The following ARIH1 variants were observed in gnomAD, a reference collection of about 807,000 sequenced individuals.
ARIH1 encodes ariadne RBR E3 ubiquitin protein ligase 1, also known as E3 ubiquitin-protein ligase ARIH1.
ARIH1 carries 8 observed loss-of-function variants against 85.0 expected under a neutral mutation model. That is an observed-to-expected ratio of 0.09 (90% CI 0.06 to 0.17). The LOEUF is 0.17. Among genes scored for constraint, ARIH1 ranks in the 10% least tolerant of loss-of-function variants. The probability of loss-of-function intolerance (pLI) is 1.00; values close to 1 mark genes in which losing one functional copy is unlikely to be tolerated. For missense variants in ARIH1, 311 were observed against 718.1 expected (o/e 0.43, Z 6.48); for synonymous variants, 238 against 253.6 (o/e 0.94, Z 0.59).
At chr15:72,552,703 A>G (rs962892199) in intron 3 of ARIH1, among the ~76,000 whole-genome samples, 1 of 152,006 alleles carries the variant, frequency 6.6e-6, no homozygotes, top group African/African-American at 2.4e-5. Context: ...CTGGAAGAAT[A>G]TGTAAAAAAC....
At position 72,555,800 on chromosome 15, in the gene ARIH1, A is replaced by G. The variant is rs1261841761; in HGVS notation, c.682-52A>G. The G allele has an allele frequency of 1.3e-5, 20 of 1,484,604 alleles. No homozygotes were observed. In the East Asian group the frequency reaches 2.0e-4, roughly 15 times the overall value. 92.0% of individuals were successfully genotyped at this position (1,484,604 alleles called of 1,614,324 possible). ...AGCAAAGTGCCTGGCGATGGTAAGCATTCATTAAATATTTGTTGAATGAAG... is the reference window on the plus strand; with the variant it reads ...AGCAAAGTGCCTGGCGATGGTAAGCGTTCATTAAATATTTGTTGAATGAAG... On this transcript the variant is annotated intron_variant, in intron 4 of 13. Coordinates refer to ENST00000379887, the MANE Select transcript of ARIH1 (RefSeq NM_005744.5).
chr15:72,519,228 A>G (rs1009740828), intron 2 of ARIH1, among the ~76,000 whole-genome samples: 2 of 152,100 alleles, frequency 1.3e-5, no homozygotes, highest in Admixed American at 6.6e-5. Flanking sequence ...TTCCCATTTG[A>G]TTTTAAAATT....
At chr15:72,526,612 T>G (rs1380188152) in intron 2 of ARIH1, among the ~76,000 whole-genome samples, 1 of 152,104 alleles carries the variant, frequency 6.6e-6, no homozygotes, top group Non-Finnish European at 1.5e-5. Context: ...GTGCCTGCAG[T>G]GCTGCCTACC....
chr15:72,581,082 T>C, intron 12 of ARIH1, 91 bp downstream of exon 12: 7 of 1,378,540 alleles, frequency 5.1e-6, no homozygotes, highest in Non-Finnish European at 6.9e-6. Context: ...TTCAGGGTTC[T>C]TGTTTGTTCA....
intron 7 of ARIH1, 134 bp from the exon 8 acceptor site, chr15:72,566,429 T>C (rs1364527688): frequency 1.3e-6 from 1 of 746,886 alleles, no homozygotes; most frequent in East Asian, 2.5e-5. Flanking sequence ...AGACATGGGT[T>C]CTCTCCTTGT....
At chr15:72,578,717 C>T (rs2064282447) in intron 11 of ARIH1, among the ~76,000 whole-genome samples, 1 of 151,942 alleles carries the variant, frequency 6.6e-6, no homozygotes, top group South Asian at 2.1e-4. Flanking sequence ...GTTCAAGGGT[C>T]AACTGTATAT....
intron 3 of ARIH1, among the ~76,000 whole-genome samples, chr15:72,551,814 G>A (rs2064154152): frequency 6.6e-6 from 1 of 151,936 alleles, no homozygotes; most frequent in African/African-American, 2.4e-5. Flanking sequence ...AGGCAAAGTT[G>A]GCAAAATATA....
chr15:72,550,281 A>G (rs773430201), intron 3 of ARIH1, among the ~76,000 whole-genome samples: 13 of 152,222 alleles, frequency 8.5e-5, no homozygotes, highest in Non-Finnish European at 1.5e-4. Context: ...TTTATGAACT[A>G]TCTTTTTATC....
chr15:72,519,347 T>G (rs1463434472), intron 2 of ARIH1, among the ~76,000 whole-genome samples: 4 of 151,808 alleles, frequency 2.6e-5, no homozygotes, highest in African/African-American at 9.7e-5. Context: ...ACTATTAAAT[T>G]ACAATTTAAT....
chr15:72,508,391 C>G (rs993467740), intron 1 of ARIH1, among the ~76,000 whole-genome samples: 4 of 152,204 alleles, frequency 2.6e-5, no homozygotes, highest in African/African-American at 9.6e-5. Flanking sequence ...GTTTTGGTGG[C>G]ACACCGAAGT....
rs2140443935 is a variant in ARIH1, at chr15:72,588,903, A to C, written c.*5611A>C. 1 of 152,308 alleles carries C rather than the reference A, an allele frequency of 6.6e-6. No individual in the cohort carries two copies. The highest frequency in any genetic ancestry group is 1.9e-4 in the East Asian group (1 of 5,184). The allele number at this position is 152,308 out of a possible 1,614,324, so 9.4% of individuals were successfully genotyped here. A position where few individuals can be genotyped will look rare whatever the true frequency, so the allele number is the denominator to read the frequency against. ...AGGAAGTTGAGTGGTTATAAGCAAA[A>C]CTGTCATTAAAGCTAGTTGCGTCAA... On this transcript the variant is annotated 3_prime_UTR_variant, in exon 14 of 14. Transcript: ENST00000379887.
chr15:72,479,156 G>C (rs1033488508), intron 1 of ARIH1, among the ~76,000 whole-genome samples: 2 of 152,134 alleles, frequency 1.3e-5, no homozygotes, highest in Non-Finnish European at 2.9e-5. Context: ...ATGCTCAAAG[G>C]AAATGCTCAC....
chr15:72,566,657 T>C, intron 8 of ARIH1, 52 bp downstream of exon 8: 1 of 1,476,640 alleles, frequency 6.8e-7, no homozygotes, highest in Non-Finnish European at 9.4e-7. Flanking sequence ...TTCTAAGACT[T>C]AGTGACTAAA....
At position 72,584,177 on chromosome 15, in the gene ARIH1, C is replaced by T. The variant is rs2064306440; in HGVS notation, c.*885C>T. The T allele has an allele frequency of 6.6e-6, 1 of 152,164 alleles. No homozygotes were observed. Among genetic ancestry groups the T allele is most frequent in the Non-Finnish European group, 1.5e-5 (1 of 68,068 alleles). 9.4% of individuals were successfully genotyped at this position (152,164 alleles called of 1,614,324 possible). The stretch of plus-strand genomic sequence containing the variant: ...TGGTATGTCTGTTGCCGGCCATGGG[C>T]CTCATGCCTTGAATTCCTGCTCTTG... On this transcript the variant is annotated 3_prime_UTR_variant, in exon 14 of 14. Transcript: ENST00000379887.
chr15:72,494,181 T>G (rs908990262), intron 1 of ARIH1, among the ~76,000 whole-genome samples: 15 of 152,346 alleles, frequency 9.8e-5, no homozygotes, highest in African/African-American at 3.6e-4. Context: ...GTACTTGATT[T>G]ATTTTTATCA....
Position 72,474,879 on chromosome 15 carries a change from C to CGGT in ARIH1, c.242_243insTGG (p.Gly90dup). 1 of 1,409,868 alleles carries CGGT rather than the reference C, an allele frequency of 7.1e-7. No individual in the cohort carries two copies. The highest frequency in any genetic ancestry group is 9.3e-7 in the Non-Finnish European group (1 of 1,072,856). The allele number at this position is 1,409,868 out of a possible 1,614,324, so 87.3% of individuals were successfully genotyped here. A position where few individuals can be genotyped will look rare whatever the true frequency, so the allele number is the denominator to read the frequency against. On this transcript the variant is annotated inframe_insertion, in exon 1 of 14. Coordinates refer to ENST00000379887, the MANE Select transcript of ARIH1 (RefSeq NM_005744.5). The stretch of plus-strand genomic sequence containing the variant: ...GCGCTCTGGGGCCCGGCGGTGGCGG[C>CGGT]GGCGGCGGCGGCGGCGGTGGTGGTG...
In ARIH1 at chr15:72,590,740, G is replaced by A. The variant is rs2064339509; in HGVS notation, c.*7448G>A. On this transcript the variant is annotated 3_prime_UTR_variant, in exon 14 of 14. Coordinates refer to ENST00000379887, the MANE Select transcript of ARIH1 (RefSeq NM_005744.5). ...TAGGACTATAGGTGCATGCCACCAT[G>A]CCCAGCTGACAATGGCTTTATATAC... 6.6e-6 allele frequency: 1 copy of A among 152,136 alleles called. No individual in the cohort carries two copies. The highest frequency in any genetic ancestry group is 1.5e-5 in the Non-Finnish European group (1 of 68,044). The allele number at this position is 152,136 out of a possible 1,614,324, so 9.4% of individuals were successfully genotyped here.
Position 72,557,566 on chromosome 15 carries a change from GTCAAT to G in ARIH1, c.737+1661_737+1665del, listed in dbSNP as rs2064179714. Among the ~76,000 whole-genome samples the G allele has an allele frequency of 2.0e-5, 3 of 152,264 alleles. No homozygotes were observed. In the South Asian group the frequency reaches 6.2e-4, roughly 32 times the overall value. On this transcript the variant is annotated intron_variant, in intron 5 of 13. Transcript: ENST00000379887. ...TCATTAGTTTAATTAAGTCCCACTT[GTCAAT>G]TTTTGCTTTTGTTGCAGTTGCGTTT...
At chr15:72,549,716 A>G (rs1370384193) in intron 3 of ARIH1, among the ~76,000 whole-genome samples, 1 of 152,220 alleles carries the variant, frequency 6.6e-6, no homozygotes, top group Non-Finnish European at 1.5e-5. Context: ...TCTTACTGCT[A>G]TTTGACATTA....
Sources: gnomAD v4.1 joint callset for allele counts (sites outside exome capture counted in the v4.1 genomes callset) on GRCh38, gnomAD v4.1.1 for gene constraint, MANE v1.5 for transcripts, NCBI Gene and HGNC (gene_info 2026-07-23, HGNC 2026-07-21) for gene names.